Variants in UBE3B observed in about 807,000 individuals in gnomAD.
The protein encoded by UBE3B is ubiquitin protein ligase E3B.
In UBE3B, 80 loss-of-function variants were observed where a neutral mutation model predicts 132.3. The ratio of observed to expected loss-of-function variants is 0.60; its 90% CI spans 0.50 to 0.73. The LOEUF (loss-of-function observed/expected upper bound fraction) is 0.73, where lower values mean the gene tolerates loss of function less well. UBE3B is among the 30% of genes least tolerant of loss of function. The pLI is 0.00. For synonymous variants in UBE3B, 487 were observed against 520.4 expected, an observed-to-expected ratio of 0.94 and a Z score of 0.87; for missense variants, 1,196 against 1,362.5, an observed-to-expected ratio of 0.88 and a Z score of 1.92.
At chr12:109,510,267 C>T (rs923463061) in intron 16 of UBE3B, 77 bp from the exon 17 acceptor site, 44 of 1,168,378 alleles carry the variant, frequency 3.8e-5, no homozygotes, top group East Asian at 3.3e-4. Flanking sequence ...ATGACAACTG[C>T]GGAAGACAAG....
intron 6 of UBE3B, among the ~76,000 whole-genome samples, chr12:109,487,590 G>A (rs1221988231): frequency 6.6e-6 from 1 of 152,226 alleles, no homozygotes; most frequent in African/African-American, 2.4e-5. Flanking sequence ...GGCCAAGTGA[G>A]CAGGGTATTT....
Position 109,499,708 on chromosome 12 carries a change from C to A in UBE3B, c.1016C>A (p.Thr339Asn). 1 of 1,613,600 alleles carries A rather than the reference C, an allele frequency of 6.2e-7. No individual in the cohort carries two copies. Among genetic ancestry groups the A allele is most frequent in the Non-Finnish European group, 8.5e-7 (1 of 1,179,710 alleles). The change falls in exon 12 of 28, where the codon ACC (threonine) becomes AAC (asparagine). Residue 339 changes from threonine (T) to asparagine (N), a missense_variant. Coordinates refer to ENST00000342494, the MANE Select transcript of UBE3B (RefSeq NM_130466.4). The stretch of plus-strand genomic sequence containing the variant: ...ACAGATGGGTTCGTGAGTTTGCTCA[C>A]CCAGACGCTGTGCTACTGTCGGAAG... ...EETDGFVSLLTQTLCYCRKYV... is the reference protein window; with the variant it reads ...EETDGFVSLLNQTLCYCRKYV...
At chr12:109,490,496 G>A in intron 8 of UBE3B, 1 of 1,535,984 alleles carries the variant, frequency 6.5e-7, no homozygotes, top group South Asian at 1.2e-5. Context: ...CTAGTGCTGT[G>A]ATGGGCTGTT....
intron 16 of UBE3B, among the ~76,000 whole-genome samples, chr12:109,510,014 G>A (rs938666449): frequency 2.6e-5 from 4 of 152,188 alleles, no homozygotes; most frequent in African/African-American, 9.7e-5. Context: ...TGATTTCCGT[G>A]AAGATAAAAC....
chr12:109,530,598 C>G lies in UBE3B; in HGVS notation c.2862C>G (p.Ile954Met). The change falls in exon 26 of 28, where the codon ATC (isoleucine) becomes ATG (methionine). Residue 954 changes from isoleucine (I) to methionine (M), a missense_variant. By Grantham distance (10) the Ile-to-Met change is conservative (BLOSUM62 1). Transcript: ENST00000342494. ...TCCATGGAAGTCACAGAGTCATCAT[C>G]TGGCTCTGGGATATTCTGGCCTCCG... ...GGFHGSHRVI[I>M]WLWDILASDF... The G allele has an allele frequency of 6.2e-7, 1 of 1,614,226 alleles. No homozygotes were observed. Among genetic ancestry groups the G allele is most frequent in the Non-Finnish European group, 8.5e-7 (1 of 1,180,036 alleles).
chr12:109,512,122 A>G (rs1456483003), intron 18 of UBE3B, among the ~76,000 whole-genome samples: 13 of 152,140 alleles, frequency 8.5e-5, no homozygotes, highest in Admixed American at 8.5e-4. Flanking sequence ...GCCATTGGAA[A>G]GGGGGTCTGG....
Position 109,483,940 on chromosome 12 carries a change from A to T in UBE3B, c.241A>T (p.Arg81Trp), listed in dbSNP as rs1205668914. 5.0e-6 allele frequency: 8 copies of T among 1,614,154 alleles called. No homozygotes were observed. Among genetic ancestry groups the T allele is most frequent in the Non-Finnish European group, 6.8e-6 (8 of 1,180,006 alleles). Residue 81 changes from arginine to tryptophan, a missense_variant, in exon 4 of 28, where the codon AGG becomes TGG. Physicochemically the swap from Arg to Trp is moderately radical, Grantham distance 101. Coordinates refer to ENST00000342494, the MANE Select transcript of UBE3B (RefSeq NM_130466.4). ...RSALCIFKIA[R>W]KLLFLFRIKE... ...TGCACTTTGTATTTTCAAGATTGCCAGGAAACTGCTGTTCCTATTCAGAAT... is the reference window on the plus strand; with the variant it reads ...TGCACTTTGTATTTTCAAGATTGCCTGGAAACTGCTGTTCCTATTCAGAAT...
At chr12:109,488,776 C>T in intron 7 of UBE3B, 108 bp downstream of exon 7, 9 of 967,904 alleles carry the variant, frequency 9.3e-6, no homozygotes, top group South Asian at 4.2e-5. Context: ...TCAGGGAAGG[C>T]CCTGAGACCA....
chr12:109,505,767 C>A (rs555639642), intron 14 of UBE3B, among the ~76,000 whole-genome samples: 7 of 152,316 alleles, frequency 4.6e-5, no homozygotes, highest in African/African-American at 1.4e-4. Context: ...TCCTTCAGTT[C>A]ACCCTCTAAG....
chr12:109,522,293 G>A lies in UBE3B; in HGVS notation c.2364+742G>A, dbSNP rs1881805474. On this transcript the variant is annotated intron_variant, in intron 21 of 27. Transcript: ENST00000342494. The surrounding 1 kb of genome is among the most constrained non-coding windows in gnomAD (Gnocchi z 4.2). Reference sequence around the variant, plus strand: ...GGTTTCCACTCTGTGGCCTGATGGGGTCAGGGTGATGTGGCCCACACAGCT... The same window carrying A: ...GGTTTCCACTCTGTGGCCTGATGGGATCAGGGTGATGTGGCCCACACAGCT... 6.6e-6 allele frequency among the ~76,000 whole-genome samples: 1 copy of A among 152,174 alleles called. No individual in the cohort carries two copies. The highest frequency in any genetic ancestry group is 1.9e-4 in the East Asian group (1 of 5,178).
downstream of UBE3B, among the ~76,000 whole-genome samples, chr12:109,537,568 C>T (rs947289917): frequency 2.0e-4 from 30 of 152,318 alleles, no homozygotes; most frequent in African/African-American, 7.2e-4. Flanking sequence ...TGCACGCAGG[C>T]GTCCTCACAA....
At chr12:109,502,221 T>G (rs1257021575) in intron 13 of UBE3B, among the ~76,000 whole-genome samples, 2 of 152,206 alleles carry the variant, frequency 1.3e-5, no homozygotes, top group Non-Finnish European at 2.9e-5. Context: ...GTGGATGCTT[T>G]CTTCTAATTT....
At chr12:109,526,291 C>T in intron 23 of UBE3B, 67 bp from the exon 24 acceptor site, 1 of 1,491,824 alleles carries the variant, frequency 6.7e-7, no homozygotes, top group Non-Finnish European at 9.3e-7. Flanking sequence ...TGGGCCCTCT[C>T]ATCTCCGGGA....
Position 109,523,998 on chromosome 12 carries a change from A to G in UBE3B, c.2385A>G (p.Pro795=), listed in dbSNP as rs1406049203. ...AVYEGIVVDV[P]FASFFLSQLL... ...CCCAGGGAATTGTGGTGGACGTGCC[A>G]TTTGCATCCTTCTTCCTGAGCCAAC... The change falls in exon 22 of 28, where the codon CCA becomes CCG. Residue 795 remains proline (P), a synonymous_variant. Coordinates refer to ENST00000342494, the MANE Select transcript of UBE3B (RefSeq NM_130466.4). 1.2e-6 allele frequency: 2 copies of G among 1,614,002 alleles called. No homozygotes were observed. Among genetic ancestry groups the G allele is most frequent in the Non-Finnish European group, 1.7e-6 (2 of 1,180,006 alleles).
chr12:109,490,004 G>A lies in UBE3B; in HGVS notation c.630G>A (p.Gln210=), dbSNP rs1398668360. The change falls in exon 8 of 28, where the codon CAG becomes CAA. Residue 210 remains glutamine, a splice_region_variant and synonymous_variant. Transcript: ENST00000342494. ...LNQHGFYSVL[Q]ILLTRGLARP... is the part of the protein sequence containing the mutation. ...AGCATGGATTTTATTCTGTGCTGCA[G>A]GTCTGTGACTCCTGCCCCCCAGTGT... 1 of 1,614,072 alleles carries A rather than the reference G, an allele frequency of 6.2e-7. No homozygotes were observed. Among genetic ancestry groups the A allele is most frequent in the Non-Finnish European group, 8.5e-7 (1 of 1,179,956 alleles).
chr12:109,481,130 ATGGCCGGGCACAGTGGCTCACACC>A (rs1875336695), intron 1 of UBE3B, among the ~76,000 whole-genome samples: 1 of 151,528 alleles, frequency 6.6e-6, no homozygotes, highest in Non-Finnish European at 1.5e-5. Context: ...AATGTCAAAC[ATGGCCGGGCACAGTGGCTCACACC>A]TGTAACCCCA....
At chr12:109,545,025 A>T in the UBE3B span, among the ~76,000 whole-genome samples, 1 of 151,966 alleles carries the variant, frequency 6.6e-6, no homozygotes, top group East Asian at 1.9e-4. Context: ...AGGAACTGGG[A>T]TGTAAGCCCA....
intron 26 of UBE3B, 102 bp from the exon 27 acceptor site, chr12:109,533,364 C>A: frequency 8.8e-7 from 1 of 1,132,118 alleles, no homozygotes; most frequent in Non-Finnish European, 1.3e-6. Flanking sequence ...GCAGTTACAA[C>A]ACGGTAACAG....
chr12:109,492,405 G>C (rs1317451596), intron 9 of UBE3B: 1 of 145,512 alleles, frequency 6.9e-6, no homozygotes, highest in South Asian at 2.1e-4. Context: ...GGCTGACCTA[G>C]AGCAGGTCTG....
Sources: gnomAD v4.1 joint callset for allele counts (sites outside exome capture counted in the v4.1 genomes callset) on GRCh38, gnomAD v4.1.1 for gene constraint, Gnocchi (gnomAD v3.1) non-coding constraint, MANE v1.5 for transcripts, NCBI Gene and HGNC (gene_info 2026-07-23, HGNC 2026-07-21) for gene names.